The following CLSTN2 variants were observed in gnomAD, a reference collection of about 807,000 sequenced individuals.
CLSTN2 encodes the protein calsyntenin-2.
Under a neutral mutation model 101.2 loss-of-function variants are expected in CLSTN2, and 48 were observed. That is an observed-to-expected ratio of 0.47 (90% confidence interval 0.38 to 0.60). CLSTN2 has a LOEUF of 0.60. Ranked by LOEUF, CLSTN2 falls within the 20% of genes least tolerant of loss-of-function variation. CLSTN2 has a pLI of 0.00. For synonymous variants in CLSTN2, 481 were observed against 463.6 expected (o/e 1.04, Z -0.48); for missense variants, 1,160 against 1,238.2 (o/e 0.94, Z 0.95).
intron 10 of CLSTN2, 25 bp downstream of exon 10, chr3:140,546,706 C>A: frequency 1.3e-6 from 2 of 1,584,754 alleles, no homozygotes; most frequent in Non-Finnish European, 8.6e-7. Context: ...GGCATCACTC[C>A]CAATAAGACA....
chr3:140,236,492 A>G (rs2086417803), intron 2 of CLSTN2, among the ~76,000 whole-genome samples: 1 of 152,008 alleles, frequency 6.6e-6, no homozygotes, highest in Non-Finnish European at 1.5e-5. Context: ...AGCCTCATTG[A>G]GCTTCTTCTT....
intron 16 of CLSTN2, among the ~76,000 whole-genome samples, chr3:140,564,937 A>C (rs1021076943): frequency 9.9e-5 from 15 of 152,110 alleles, no homozygotes; most frequent in African/African-American, 3.4e-4. Flanking sequence ...GAAGATGATT[A>C]CCCCAGCCTG....
At chr3:140,171,673 T>TAATAC (rs1559797176) in intron 1 of CLSTN2, among the ~76,000 whole-genome samples, 2 of 64,672 alleles carry the variant, frequency 3.1e-5, no homozygotes, top group Non-Finnish European at 2.7e-5. Context: ...ATATATAATA[T>TAATAC]GTATTATATA....
At chr3:140,485,492 G>T (rs1934218447) in intron 8 of CLSTN2, among the ~76,000 whole-genome samples, 1 of 152,182 alleles carries the variant, frequency 6.6e-6, no homozygotes, top group South Asian at 2.1e-4. Flanking sequence ...CTGTCAGACA[G>T]GGACATTTAA....
intron 5 of CLSTN2, among the ~76,000 whole-genome samples, chr3:140,428,659 G>A (rs1465755173): frequency 1.3e-5 from 2 of 152,212 alleles, no homozygotes; most frequent in Non-Finnish European, 2.9e-5. Context: ...CCAGTTGGAA[G>A]AGTTTCTCCC....
At chr3:140,064,036 G>GT (rs1489879314) in intron 1 of CLSTN2, among the ~76,000 whole-genome samples, 1 of 152,212 alleles carries the variant, frequency 6.6e-6, no homozygotes, top group Non-Finnish European at 1.5e-5. Context: ...AGATGGAGCA[G>GT]TAACCATTGG....
intron 1 of CLSTN2, among the ~76,000 whole-genome samples, chr3:140,122,649 GTGTC>G (rs1474793561): frequency 6.6e-6 from 1 of 152,178 alleles, no homozygotes; most frequent in Non-Finnish European, 1.5e-5. Flanking sequence ...CGTGCAGAGA[GTGTC>G]TGTCTGAGGG....
intron 2 of CLSTN2, among the ~76,000 whole-genome samples, chr3:140,187,397 C>T (rs1016739548): frequency 3.9e-5 from 6 of 152,162 alleles, no homozygotes; most frequent in African/African-American, 1.4e-4. Flanking sequence ...ATCATGCTGA[C>T]CTCCCTTAAT....
In CLSTN2 at chr3:139,969,024, T is replaced by C. The variant is rs1207871553; in HGVS notation, c.109+33541T>C. Among the ~76,000 whole-genome samples, 3 of 151,086 alleles carry C rather than the reference T, an allele frequency of 2.0e-5. No homozygotes were observed. The South Asian group carries it at 6.3e-4, about 32-fold the overall frequency. On this transcript the variant is annotated intron_variant, in intron 1 of 16. Transcript: ENST00000458420. Reference sequence around the variant, plus strand: ...AACATGCAGAGTATTAATAACATTATGGAGTTGTCTAGGACTTGGTATGTA... The same window carrying C: ...AACATGCAGAGTATTAATAACATTACGGAGTTGTCTAGGACTTGGTATGTA...
At chr3:139,995,350 C>T (rs112610848) in intron 1 of CLSTN2, among the ~76,000 whole-genome samples, 22 of 152,304 alleles carry the variant, frequency 1.4e-4, no homozygotes, top group African/African-American at 4.6e-4. Context: ...AAGTTAAATA[C>T]GCTATTGTCT....
intron 1 of CLSTN2, among the ~76,000 whole-genome samples, chr3:140,081,803 AGAGGTT>A (rs140261083): frequency 0.056 from 8,547 of 152,206 alleles, 272 homozygotes; most frequent in Middle Eastern, 0.075. Context: ...GAGACTGGAG[AGAGGTT>A]GGGGTTCAGC....
chr3:140,159,888 A>G (rs1560113009), intron 1 of CLSTN2, among the ~76,000 whole-genome samples: 1 of 152,214 alleles, frequency 6.6e-6, no homozygotes, highest in African/African-American at 2.4e-5. Flanking sequence ...GGAGGCCATT[A>G]TCCTAAACAA....
rs539943692 is a variant in CLSTN2, at chr3:140,169,426, G to A, written c.110-6525G>A. On this transcript the variant is annotated intron_variant, in intron 1 of 16. Coordinates refer to ENST00000458420, the MANE Select transcript of CLSTN2 (RefSeq NM_022131.3). ...GATTATCATGTTCCCTGTGAATAAT[G>A]ACAATTTTACTTTTTCATTTCCAAT... 3.9e-5 allele frequency among the ~76,000 whole-genome samples: 6 copies of A among 152,034 alleles called. No homozygotes were observed. The South Asian group carries it at 1.2e-3, about 32-fold the overall frequency.
At chr3:140,187,231 A>G (rs1012379429) in intron 2 of CLSTN2, among the ~76,000 whole-genome samples, 5 of 152,026 alleles carry the variant, frequency 3.3e-5, no homozygotes, top group African/African-American at 1.2e-4. Flanking sequence ...TCTCCCTGAG[A>G]TGAGCCTCCA....
At chr3:140,460,219 A>G (rs1307769675) in intron 7 of CLSTN2, 1 of 183,234 alleles carries the variant, frequency 5.5e-6, no homozygotes, top group Non-Finnish European at 1.2e-5. Flanking sequence ...TAGTAGTTTG[A>G]AAACCTCTGA....
intron 2 of CLSTN2, among the ~76,000 whole-genome samples, chr3:140,395,285 G>C (rs1303065675): frequency 1.3e-5 from 2 of 152,156 alleles, no homozygotes; most frequent in Non-Finnish European, 2.9e-5. Context: ...CCAAGGTTAA[G>C]TTATCACTAT....
chr3:140,106,667 C>A (rs1352532494), intron 1 of CLSTN2, among the ~76,000 whole-genome samples: 2 of 152,184 alleles, frequency 1.3e-5, no homozygotes, highest in Non-Finnish European at 1.5e-5. Flanking sequence ...TCAAAACCAC[C>A]ATTCCAGGCT....
intron 1 of CLSTN2, among the ~76,000 whole-genome samples, chr3:140,011,018 C>T (rs977538366): frequency 2.0e-5 from 3 of 152,106 alleles, no homozygotes; most frequent in Non-Finnish European, 4.4e-5. Context: ...CTGGGGCAGA[C>T]GGCGGTCCTC....
chr3:140,342,527 A>G (rs1258972233), intron 2 of CLSTN2, among the ~76,000 whole-genome samples: 2 of 152,108 alleles, frequency 1.3e-5, no homozygotes, highest in East Asian at 3.9e-4. Flanking sequence ...GAGAGCACAA[A>G]GGAAGACTAG....
Sources: allele counts gnomAD v4.1 joint callset (sites outside exome capture counted in the v4.1 genomes callset), GRCh38; gene constraint gnomAD v4.1.1; transcripts MANE v1.5; gene names NCBI Gene and HGNC (gene_info 2026-07-23, HGNC 2026-07-21).